The following DYNC2H1 variants were observed in gnomAD, a reference collection of about 807,000 sequenced individuals.
The protein encoded by DYNC2H1 is cytoplasmic dynein 2 heavy chain 1.
DYNC2H1 carries 410 observed loss-of-function variants against 570.0 expected under a neutral mutation model. That is an observed-to-expected ratio of 0.72 (90% CI 0.66 to 0.78). The LOEUF is 0.78. Among genes scored for constraint, DYNC2H1 ranks in the 30% least tolerant of loss-of-function variants. The pLI is 0.00. For missense variants in DYNC2H1, 4,865 were observed against 5,046.4 expected (o/e 0.96, Z 1.09); for synonymous variants, 1,688 against 1,677.6 (o/e 1.01, Z -0.15).
At chr11:103,429,589 C>T (rs1943815148) in intron 84 of DYNC2H1, among the ~76,000 whole-genome samples, 1 of 152,158 alleles carries the variant, frequency 6.6e-6, no homozygotes, top group African/African-American at 2.4e-5. Flanking sequence ...TGTTGTACTT[C>T]CTCTTAAGCA....
At chr11:103,331,979 G>A (rs991978545) in intron 82 of DYNC2H1, among the ~76,000 whole-genome samples, 4 of 151,808 alleles carry the variant, frequency 2.6e-5, no homozygotes, top group African/African-American at 9.7e-5. Context: ...AGAATTGCTT[G>A]AACCCGGGAG....
chr11:103,292,257 A>G (rs1384932088), intron 75 of DYNC2H1, among the ~76,000 whole-genome samples: 2 of 149,996 alleles, frequency 1.3e-5, no homozygotes, highest in Non-Finnish European at 3.0e-5. Context: ...TGTATGCATT[A>G]TAAGTTTTTC....
intron 75 of DYNC2H1, among the ~76,000 whole-genome samples, chr11:103,291,759 A>G (rs1035312987): frequency 2.6e-5 from 4 of 152,220 alleles, no homozygotes; most frequent in African/African-American, 9.6e-5. Context: ...ATAGATACTT[A>G]GAATTCTTAA....
chr11:103,201,653 T>C lies in DYNC2H1; in HGVS notation c.8197+1499T>C, dbSNP rs1327346782. ...AAGAACTGTTGCTACTCTTCTCCTG[T>C]GGCTCTGTCCCCAGCAAACTGTGGT... On this transcript the variant is annotated intron_variant, in intron 50 of 88. Transcript: ENST00000375735. This position sits in a 1 kb window ranked among gnomAD's most constrained non-coding sequence, Gnocchi z 4.8. Among the ~76,000 whole-genome samples the C allele has an allele frequency of 2.0e-5, 3 of 152,216 alleles. No individual in the cohort carries two copies. Among genetic ancestry groups the C allele is most frequent in the Non-Finnish European group, 4.4e-5 (3 of 68,030 alleles).
intron 83 of DYNC2H1, among the ~76,000 whole-genome samples, chr11:103,387,749 TA>T (rs1466114479): frequency 3.3e-5 from 5 of 152,160 alleles, no homozygotes; most frequent in Non-Finnish European, 7.4e-5. Flanking sequence ...CACCATTTAT[TA>T]AAATAGGGAA....
chr11:103,433,429 A>G (rs1280774597), intron 84 of DYNC2H1, among the ~76,000 whole-genome samples: 1 of 152,160 alleles, frequency 6.6e-6, no homozygotes, highest in Admixed American at 6.6e-5. Flanking sequence ...TCTTAGTGGC[A>G]TAAAACAATA....
rs774612476 is a variant in DYNC2H1, at chr11:103,199,358, G to C, written c.7970G>C (p.Ser2657Thr). The C allele has an allele frequency of 1.2e-6, 2 of 1,612,520 alleles. No homozygotes were observed. Among genetic ancestry groups the C allele is most frequent in the Non-Finnish European group, 1.7e-6 (2 of 1,179,696 alleles). ...PGGSLLLAGR[S>T]GVGRRTITSL... ...GGTTCACTTCTATTAGCAGGACGCA[G>C]TGGTGTAGGTCGTCGGACCATCACT... The change falls in exon 49 of 89, where the codon AGT becomes ACT. Residue 2657 changes from serine (S) to threonine (T), a missense_variant. By Grantham distance (58) the Ser-to-Thr change is moderately conservative. Around this residue, in one of 5 missense-constraint regions of DYNC2H1, gnomAD observed 2,401 missense variants for 2,454.6 expected, o/e 0.98. Transcript: ENST00000375735. This position sits in a 1 kb window ranked among gnomAD's most constrained non-coding sequence, Gnocchi z 4.6.
chr11:103,428,786 A>T (rs1943776549), intron 84 of DYNC2H1, among the ~76,000 whole-genome samples: 1 of 152,152 alleles, frequency 6.6e-6, no homozygotes, highest in Admixed American at 6.5e-5. Flanking sequence ...TCCTCAAGGA[A>T]CATCCATGCT....
At chr11:103,293,116 A>G (rs1565470248) in intron 75 of DYNC2H1, among the ~76,000 whole-genome samples, 1 of 151,928 alleles carries the variant, frequency 6.6e-6, no homozygotes, top group Non-Finnish European at 1.5e-5. Context: ...TGTTGGTGAC[A>G]TTTTTTAGCT....
At chr11:103,162,485 T>G (rs192711422) in intron 29 of DYNC2H1, among the ~76,000 whole-genome samples, 2 of 152,308 alleles carry the variant, frequency 1.3e-5, no homozygotes, top group Admixed American at 1.3e-4. Flanking sequence ...ATACATTTTT[T>G]TTCACTTTGA....
In DYNC2H1 at chr11:103,223,129, C is replaced by T. The variant is rs766456599; in HGVS notation, c.9353+43C>T. 2.6e-6 allele frequency: 4 copies of T among 1,511,704 alleles called. No homozygotes were observed. The South Asian group carries it at 5.3e-5, about 20-fold the overall frequency. 93.6% of individuals were successfully genotyped at this position (1,511,704 alleles called of 1,614,324 possible). A position where few individuals can be genotyped will look rare whatever the true frequency, so the allele number is the denominator to read the frequency against. ...TATAAACAATTCTAACCTTTATTTTCATCAGTTTGATGAGGTTTTAATAAT... is the reference window on the plus strand; with the variant it reads ...TATAAACAATTCTAACCTTTATTTTTATCAGTTTGATGAGGTTTTAATAAT... On this transcript the variant is annotated intron_variant, in intron 59 of 88. Transcript: ENST00000375735.
chr11:103,270,631 T>A (rs1305410314), intron 70 of DYNC2H1, among the ~76,000 whole-genome samples: 1 of 151,952 alleles, frequency 6.6e-6, no homozygotes, highest in Admixed American at 6.6e-5. Context: ...CTACTCACCC[T>A]TCTTGTGATC....
At chr11:103,237,639 A>G (rs1864270495) in intron 63 of DYNC2H1, among the ~76,000 whole-genome samples, 1 of 152,062 alleles carries the variant, frequency 6.6e-6, no homozygotes, top group Non-Finnish European at 1.5e-5. Flanking sequence ...ATTATAGCAA[A>G]CTATATGCTT....
rs1441449750 is a variant in DYNC2H1, at chr11:103,173,074, T to C, written c.5335-8T>C. 4.9e-6 allele frequency: 6 copies of C among 1,235,396 alleles called. No individual in the cohort carries two copies. The highest frequency in any genetic ancestry group is 6.3e-6 in the Non-Finnish European group (6 of 958,250). The allele number at this position is 1,235,396 out of a possible 1,614,324, so 76.5% of individuals were successfully genotyped here. ...TATTTAAATTAATATTTTTAATTAA[T>C]ATTTCAGGTAGAAGTAAATTCTAAT... On this transcript the variant is annotated splice_region_variant and splice_polypyrimidine_tract_variant and intron_variant, in intron 34 of 88. Transcript: ENST00000375735.
rs535475895 is a variant in DYNC2H1 at position 103,369,323 on chromosome 11, G to C, written c.12156+10964G>C. 8.5e-5 allele frequency among the ~76,000 whole-genome samples: 13 copies of C among 152,306 alleles called. No homozygotes were observed. In the South Asian group the frequency reaches 2.7e-3, roughly 32 times the overall value. On this transcript the variant is annotated intron_variant, in intron 83 of 88. Transcript: ENST00000375735. This position sits in a 1 kb window ranked among gnomAD's most constrained non-coding sequence, Gnocchi z 4.0. ...GCGGCAGGAACCTGAGTTCTTGCAA[G>C]CCTCACCAAAGCAGGCGGAAGTACT...
At chr11:103,467,963 C>T (rs1009180571) in intron 87 of DYNC2H1, among the ~76,000 whole-genome samples, 1 of 152,142 alleles carries the variant, frequency 6.6e-6, no homozygotes, top group Non-Finnish European at 1.5e-5. Flanking sequence ...CATTTGTTAC[C>T]TTTAGGATAG....
At chr11:103,192,008 A>G in intron 46 of DYNC2H1, 89 bp from the exon 47 acceptor site, 1 of 1,075,650 alleles carries the variant, frequency 9.3e-7, no homozygotes, top group Non-Finnish European at 1.3e-6. Context: ...TATGGTATGT[A>G]GACACCTGCT....
intron 70 of DYNC2H1, among the ~76,000 whole-genome samples, chr11:103,270,232 A>G (rs1865652984): frequency 6.6e-6 from 1 of 151,194 alleles, no homozygotes; most frequent in Admixed American, 6.6e-5. Context: ...AAGAAAGAAA[A>G]TGGTTGGAAG....
rs886347904 is a variant in DYNC2H1, at chr11:103,125,143, G to C, written c.1705G>C (p.Gly569Arg). 55 of 1,613,406 alleles carry C rather than the reference G, an allele frequency of 3.4e-5. No homozygotes were observed. Among genetic ancestry groups the C allele is most frequent in the Non-Finnish European group, 4.6e-5 (54 of 1,179,656 alleles). ...AATTATGGAATTGGATTCTAATGAT[G>C]GATTACTAAAAGTGCATTATTCAGA... Reference protein sequence around the residue: ...SRIMELDSNDGLLKVHYSDRL... With the variant: ...SRIMELDSNDRLLKVHYSDRL... The change falls in exon 12 of 89, where the codon GGA (glycine) becomes CGA (arginine). Residue 569 changes from glycine to arginine, a missense_variant. This residue lies in a region of DYNC2H1 where 1,936 missense variants were observed against 1,962.1 expected (regional missense o/e 0.99). Coordinates refer to ENST00000375735, the MANE Select transcript of DYNC2H1 (RefSeq NM_001377.3).
Sources: allele counts gnomAD v4.1 joint callset (sites outside exome capture counted in the v4.1 genomes callset), GRCh38; gene constraint gnomAD v4.1.1; regional missense constraint gnomAD v4.1.1; non-coding constraint Gnocchi (gnomAD v3.1); transcripts MANE v1.5; gene names NCBI Gene and HGNC (gene_info 2026-07-23, HGNC 2026-07-21).